Variants in FIBCD1 observed in about 807,000 individuals in gnomAD.
FIBCD1 encodes fibrinogen C domain containing 1.
FIBCD1 carries 47 observed loss-of-function variants against 45.1 expected under a neutral mutation model. The observed-to-expected ratio is 1.04, with a 90% confidence interval of 0.82 to 1.33. The LOEUF is 1.33. FIBCD1 is among the 40% of genes most tolerant of loss of function. The pLI is 0.00. For missense variants in FIBCD1, 653 were observed against 682.2 expected, an observed-to-expected ratio of 0.96 and a Z score of 0.48; for synonymous variants, 313 against 308.1, an observed-to-expected ratio of 1.02 and a Z score of -0.17.
chr9:130,935,842 G>A (rs1832510337), intron 1 of FIBCD1, among the ~76,000 whole-genome samples: 1 of 152,228 alleles, frequency 6.6e-6, no homozygotes, highest in African/African-American at 2.4e-5. Context: ...TAGGGTGGCT[G>A]TGACTAAGAA....
chr9:130,934,964 T>C (rs1225654073), intron 1 of FIBCD1, among the ~76,000 whole-genome samples: 1 of 152,140 alleles, frequency 6.6e-6, no homozygotes, highest in Non-Finnish European at 1.5e-5. Flanking sequence ...GGCATGGATC[T>C]TCCAGAACCC....
rs1018460560 is a variant in FIBCD1, at chr9:130,939,164, G to A, written c.-557C>T. 2 of 151,788 alleles carry A rather than the reference G, an allele frequency of 1.3e-5. No individual in the cohort carries two copies. Among genetic ancestry groups the A allele is most frequent in the Non-Finnish European group, 2.9e-5 (2 of 67,896 alleles). The allele number at this position is 151,788 out of a possible 1,614,324, so 9.4% of individuals were successfully genotyped here. A position where few individuals can be genotyped will look rare whatever the true frequency, so the allele number is the denominator to read the frequency against. On this transcript the variant is annotated 5_prime_UTR_variant, in exon 1 of 7. Transcript: ENST00000372338. ...CCTGCTGGCTCCCGGAGGGGCCTGA[G>A]AGCCCCCCGGCGGCGCCTCTGCACA...
rs751319931 is a variant in FIBCD1 at position 130,905,274 on chromosome 9, G to A, written c.1086C>T (p.Asp362=). Residue 362 remains aspartate, a synonymous_variant, in exon 6 of 7, where the codon GAC becomes GAT. Coordinates refer to ENST00000372338, the MANE Select transcript of FIBCD1 (RefSeq NM_032843.5). ...AGTCAGCCACGGTGAGCGGGTACCC[G>A]TCTTCCTCAGGGTCCACGGAGAACA... ...VGLFSVDPEE[D]GYPLTVADYS... 1.2e-4 allele frequency: 192 copies of A among 1,613,782 alleles called. No homozygotes were observed. Among genetic ancestry groups the A allele is most frequent in the Non-Finnish European group, 1.5e-4 (176 of 1,180,008 alleles).
chr9:130,926,127 G>T lies in FIBCD1; in HGVS notation c.553-1731C>A. Among the ~76,000 whole-genome samples, 1 of 152,270 alleles carries T rather than the reference G, an allele frequency of 6.6e-6. No individual in the cohort carries two copies. Among genetic ancestry groups the T allele is most frequent in the East Asian group, 1.9e-4 (1 of 5,174 alleles). On this transcript the variant is annotated intron_variant, in intron 2 of 6. Coordinates refer to ENST00000372338, the MANE Select transcript of FIBCD1 (RefSeq NM_032843.5). This position sits in a 1 kb window ranked among gnomAD's most constrained non-coding sequence, Gnocchi z 4.1. Reference sequence around the variant, plus strand: ...GGGACACAGGCAGCACACCCCAACCGGGGCAGGAGGGAAGACGGTAGGTGG... The same window carrying T: ...GGGACACAGGCAGCACACCCCAACCTGGGCAGGAGGGAAGACGGTAGGTGG...
At chr9:130,911,754 G>T (rs1479152583) in intron 5 of FIBCD1, 38 bp downstream of exon 5, 2 of 1,551,084 alleles carry the variant, frequency 1.3e-6, no homozygotes. Flanking sequence ...GCAGGGGGAG[G>T]AGGCCCACCT....
At chr9:130,930,282 G>A (rs921080095) in intron 1 of FIBCD1, among the ~76,000 whole-genome samples, 2 of 152,138 alleles carry the variant, frequency 1.3e-5, no homozygotes, top group Non-Finnish European at 1.5e-5. Flanking sequence ...AGAAAGTGGA[G>A]AGAGACAGAG....
intron 6 of FIBCD1, 133 bp from the exon 7 acceptor site, chr9:130,904,456 CACAT>C (rs1026572612): frequency 1.5e-5 from 20 of 1,326,722 alleles, no homozygotes; most frequent in Non-Finnish European, 1.9e-5. Context: ...CGTGCTCTCA[CACAT>C]ACTGCTGTGC....
intron 2 of FIBCD1, among the ~76,000 whole-genome samples, chr9:130,925,487 G>A (rs1020551321): frequency 2.5e-4 from 38 of 152,150 alleles, no homozygotes; most frequent in Admixed American, 2.4e-3. Context: ...GCGTGACCCC[G>A]GAACAGTGTC....
chr9:130,938,228 A>G, intron 1 of FIBCD1: 1 of 310,746 alleles, frequency 3.2e-6, no homozygotes, highest in Non-Finnish European at 6.0e-6. Context: ...GTGGACACAC[A>G]GCGAACTGTA....
intron 2 of FIBCD1, 33 bp from the exon 3 acceptor site, chr9:130,924,429 G>A (rs767875793): frequency 2.5e-6 from 4 of 1,577,676 alleles, no homozygotes; most frequent in African/African-American, 1.3e-5. Flanking sequence ...CGAGGGGGCA[G>A]GGGCTCTGTT....
In FIBCD1 at chr9:130,911,944, C is replaced by T. The variant is rs1588105249; in HGVS notation, c.850-56G>A. The T allele has an allele frequency of 3.5e-6, 5 of 1,445,276 alleles. No homozygotes were observed. In the East Asian group the frequency reaches 9.9e-5, roughly 29 times the overall value. 89.5% of individuals were successfully genotyped at this position (1,445,276 alleles called of 1,614,324 possible). A position where few individuals can be genotyped will look rare whatever the true frequency, so the allele number is the denominator to read the frequency against. ...GCACCGACCATCCCAGGACTCGCAG[C>T]CCACCTGGGCCCACCCCGCCCAGAG... On this transcript the variant is annotated intron_variant, in intron 4 of 6. Coordinates refer to ENST00000372338, the MANE Select transcript of FIBCD1 (RefSeq NM_032843.5).
intron 6 of FIBCD1, 127 bp from the exon 7 acceptor site, chr9:130,904,450 C>T: frequency 1.5e-6 from 2 of 1,356,650 alleles, no homozygotes; most frequent in Non-Finnish European, 2.0e-6. Context: ...TACGCACGTG[C>T]TCTCACACAT....
chr9:130,906,205 G>T (rs1831926354), intron 5 of FIBCD1, among the ~76,000 whole-genome samples: 1 of 152,124 alleles, frequency 6.6e-6, no homozygotes, highest in African/African-American at 2.4e-5. Context: ...CATCCCCGGG[G>T]TCTCATGCCA....
intron 2 of FIBCD1, among the ~76,000 whole-genome samples, chr9:130,925,816 C>A (rs550697444): frequency 6.6e-6 from 1 of 152,292 alleles, no homozygotes; most frequent in Non-Finnish European, 1.5e-5. Flanking sequence ...AGCATGGAGC[C>A]GGCCGGGTCT....
At chr9:130,910,135 G>A (rs553766034) in intron 5 of FIBCD1, among the ~76,000 whole-genome samples, 31 of 152,340 alleles carry the variant, frequency 2.0e-4, no homozygotes, top group African/African-American at 7.2e-4. Flanking sequence ...AGGCGCGAGC[G>A]GGAACCGGGG....
At chr9:130,907,772 G>A (rs1050773147) in intron 5 of FIBCD1, among the ~76,000 whole-genome samples, 3 of 151,898 alleles carry the variant, frequency 2.0e-5, no homozygotes, top group East Asian at 1.9e-4. Context: ...GGTGGCGGGC[G>A]CCTGTAATCC....
rs1383439312 is a variant in FIBCD1, at chr9:130,922,688, G to C, written c.849+1056C>G. On this transcript the variant is annotated intron_variant, in intron 4 of 6. Transcript: ENST00000372338. This position sits in a 1 kb window ranked among gnomAD's most constrained non-coding sequence, Gnocchi z 4.5. ...GCCAAGTCACCTCTCCTGAAGCACA[G>C]TCCCCATCCCGTCTTCCTCTCTTCA... is the stretch of plus-strand genomic sequence containing the variant. Among the ~76,000 whole-genome samples, 1 of 152,040 alleles carries C rather than the reference G, an allele frequency of 6.6e-6. No homozygotes were observed. Among genetic ancestry groups the C allele is most frequent in the African/African-American group, 2.4e-5 (1 of 41,376 alleles).
chr9:130,940,676 C>A (rs1832607798), upstream of FIBCD1, among the ~76,000 whole-genome samples: 1 of 152,228 alleles, frequency 6.6e-6, no homozygotes, highest in Non-Finnish European at 1.5e-5. Context: ...CAGTGCATCA[C>A]AGCACCTGAG....
At chr9:130,918,522 A>C (rs1832203584) in intron 4 of FIBCD1, among the ~76,000 whole-genome samples, 1 of 152,136 alleles carries the variant, frequency 6.6e-6, no homozygotes, top group East Asian at 1.9e-4. Context: ...TTGGTTGTGG[A>C]GCTGTGGCCT....
Sources: gnomAD v4.1 joint callset for allele counts (sites outside exome capture counted in the v4.1 genomes callset) on GRCh38, gnomAD v4.1.1 for gene constraint, Gnocchi (gnomAD v3.1) non-coding constraint, MANE v1.5 for transcripts, NCBI Gene and HGNC (gene_info 2026-07-23, HGNC 2026-07-21) for gene names.